Variants in TMEM245 observed in about 807,000 individuals in gnomAD.
TMEM245 encodes the protein protein CG-2.
In TMEM245, 69 loss-of-function variants were observed where a neutral mutation model predicts 101.2. That is an observed-to-expected ratio of 0.68 (90% CI 0.56 to 0.83). The LOEUF is 0.83. Ranked by LOEUF, TMEM245 falls within the 40% of genes least tolerant of loss-of-function variation. The probability of loss-of-function intolerance (pLI) is 0.00; values close to 1 mark genes in which losing one functional copy is unlikely to be tolerated. For missense variants in TMEM245, 1,075 were observed against 1,092.8 expected, an observed-to-expected ratio of 0.98 and a Z score of 0.23; for synonymous variants, 537 against 449.8, an observed-to-expected ratio of 1.19 and a Z score of -2.45.
chr9:109,045,042 G>A (rs1203311056), intron 14 of TMEM245, among the ~76,000 whole-genome samples: 4 of 152,162 alleles, frequency 2.6e-5, no homozygotes, highest in East Asian at 1.9e-4. Context: ...TTTGAGGCGT[G>A]AGCCACCGTA....
At chr9:109,053,702 T>C (rs1392777907) in intron 12 of TMEM245, among the ~76,000 whole-genome samples, 1 of 152,198 alleles carries the variant, frequency 6.6e-6, no homozygotes, top group East Asian at 1.9e-4. Context: ...AAACAACCTT[T>C]TGATTATTAA....
At chr9:109,118,135 G>C (rs558189020) in intron 1 of TMEM245, among the ~76,000 whole-genome samples, 1 of 152,194 alleles carries the variant, frequency 6.6e-6, no homozygotes, top group South Asian at 2.1e-4. Flanking sequence ...GACGGGACCT[G>C]TATCTTAGTC....
chr9:109,083,219 C>T (rs1036429164), intron 7 of TMEM245, among the ~76,000 whole-genome samples: 1 of 151,970 alleles, frequency 6.6e-6, no homozygotes, highest in Non-Finnish European at 1.5e-5. Context: ...TGAACCAACT[C>T]CCACAAAGAC....
chr9:109,080,378 G>A (rs1300309462), intron 8 of TMEM245, among the ~76,000 whole-genome samples: 4 of 151,990 alleles, frequency 2.6e-5, no homozygotes, highest in African/African-American at 9.7e-5. Context: ...AATGGGGAAA[G>A]GAAATGTAAG....
Position 109,018,815 on chromosome 9 carries a change from A to G in TMEM245, c.*1645T>C, listed in dbSNP as rs948765319. ...CAGTGGCGCCATCTTGGCTCACTGC[A>G]GCCTCGACCTCCTGGACTCAGGTGA... On this transcript the variant is annotated 3_prime_UTR_variant, in exon 18 of 18. Transcript: ENST00000374586. 3 of 151,554 alleles carry G rather than the reference A, an allele frequency of 2.0e-5. No homozygotes were observed. Among genetic ancestry groups the G allele is most frequent in the Admixed American group, 1.3e-4 (2 of 15,234 alleles). The allele number at this position is 151,554 out of a possible 1,614,324, so 9.4% of individuals were successfully genotyped here.
In TMEM245 at chr9:109,017,528, C is replaced by T. The variant is rs1357831600; in HGVS notation, c.*2932G>A. 2 of 152,202 alleles carry T rather than the reference C, an allele frequency of 1.3e-5. No homozygotes were observed. The highest frequency in any genetic ancestry group is 4.8e-5 in the African/African-American group (2 of 41,456). The allele number at this position is 152,202 out of a possible 1,614,324, so 9.4% of individuals were successfully genotyped here. On this transcript the variant is annotated 3_prime_UTR_variant, in exon 18 of 18. Transcript: ENST00000374586. ...TCTCTCAGAAAAGAGAGGAGCATAC[C>T]TGTGTGGAGAGCTTGTATTTTCTCC...
In TMEM245 at chr9:109,119,797, G is replaced by C; in HGVS notation, c.117C>G (p.Thr39=). Residue 39 remains threonine (T), a synonymous_variant, in exon 1 of 18, where the codon ACC becomes ACG. Transcript: ENST00000374586. ...PSGGGGETPR[T]AALALRFDKP... The stretch of plus-strand genomic sequence containing the variant: ...TGTCGAAGCGCAGCGCCAGCGCCGC[G>C]GTCCGCGGGGTCTCCCCGCCACCGC... 1 of 1,457,140 alleles carries C rather than the reference G, an allele frequency of 6.9e-7. No individual in the cohort carries two copies. Among genetic ancestry groups the C allele is most frequent in the Non-Finnish European group, 9.0e-7 (1 of 1,107,094 alleles). The allele number at this position is 1,457,140 out of a possible 1,614,324, so 90.3% of individuals were successfully genotyped here.
At chr9:109,118,067 T>C (rs1830777418) in intron 1 of TMEM245, among the ~76,000 whole-genome samples, 1 of 152,252 alleles carries the variant, frequency 6.6e-6, no homozygotes, top group African/African-American at 2.4e-5. Context: ...TGAACATTTA[T>C]CTGTATGTCT....
At chr9:109,108,422 A>C in intron 2 of TMEM245, 31 bp downstream of exon 2, 1 of 471,764 alleles carries the variant, frequency 2.1e-6, no homozygotes, top group Non-Finnish European at 3.0e-6. Flanking sequence ...GCTAGACTTA[A>C]AAAAAAAAAA....
intron 17 of TMEM245, among the ~76,000 whole-genome samples, chr9:109,032,005 C>G (rs1188533765): frequency 1.3e-5 from 2 of 152,160 alleles, no homozygotes; most frequent in African/African-American, 4.8e-5. Context: ...CAATTAACAA[C>G]CATATGTCTT....
intron 3 of TMEM245, among the ~76,000 whole-genome samples, chr9:109,103,377 T>C (rs1400169415): frequency 6.6e-6 from 1 of 152,140 alleles, no homozygotes; most frequent in Non-Finnish European, 1.5e-5. Context: ...GAATAAGGAA[T>C]AAATTAAAGG....
intron 10 of TMEM245, 80 bp downstream of exon 10, chr9:109,064,397 T>C (rs1829102215): frequency 6.3e-6 from 8 of 1,260,614 alleles, no homozygotes; most frequent in Non-Finnish European, 9.0e-6. Flanking sequence ...GCATTTCTAC[T>C]TATGTTTTAT....
At chr9:109,061,410 T>G (rs958623390) in intron 10 of TMEM245, among the ~76,000 whole-genome samples, 4 of 152,258 alleles carry the variant, frequency 2.6e-5, no homozygotes, top group Non-Finnish European at 5.9e-5. Flanking sequence ...TCTGCAACTT[T>G]CTGCCTATTT....
intron 14 of TMEM245, chr9:109,038,843 T>C (rs1346177713): frequency 6.6e-6 from 1 of 152,254 alleles, no homozygotes; most frequent in African/African-American, 2.4e-5. Flanking sequence ...TCTGTGTTTT[T>C]CAGTTGGAAG....
At chr9:109,020,858 TGGATA>T (rs1827600830) in intron 17 of TMEM245, among the ~76,000 whole-genome samples, 1 of 152,100 alleles carries the variant, frequency 6.6e-6, no homozygotes, top group African/African-American at 2.4e-5. Flanking sequence ...TGGCTGGAAG[TGGATA>T]TGATGATTGA....
chr9:109,031,140 A>G (rs1827934213), intron 17 of TMEM245, among the ~76,000 whole-genome samples: 1 of 152,230 alleles, frequency 6.6e-6, no homozygotes, highest in South Asian at 2.1e-4. Context: ...TTTCTGGCAC[A>G]TAACATAGAA....
chr9:109,066,444 G>T (rs1829166180), intron 9 of TMEM245, among the ~76,000 whole-genome samples: 1 of 55,352 alleles, frequency 1.8e-5, no homozygotes, highest in Non-Finnish European at 2.9e-5. Context: ...AAAAGAGCAA[G>T]ACTGTCTCAA....
chr9:109,038,117 T>C lies in TMEM245; in HGVS notation c.2124A>G (p.Arg708=). 1.2e-6 allele frequency: 2 copies of C among 1,609,862 alleles called. No homozygotes were observed. Among genetic ancestry groups the C allele is most frequent in the East Asian group, 2.2e-5 (1 of 44,706 alleles). The change falls in exon 15 of 18, where the codon AGA becomes AGG. Residue 708 remains arginine, a splice_region_variant and synonymous_variant. Coordinates refer to ENST00000374586, the MANE Select transcript of TMEM245 (RefSeq NM_032012.4). ...TTTTGAGGGAAGCATCAAACACCCC[T>C]CTGGAATGCCCAAAGATAAAAAGAA... is the stretch of plus-strand genomic sequence containing the variant. ...IIGQSVEEAI[R]GVFDASLKMA...
chr9:109,106,514 A>C lies in TMEM245; in HGVS notation c.793T>G (p.Ser265Ala). The C allele has an allele frequency of 6.2e-7, 1 of 1,604,544 alleles. No individual in the cohort carries two copies. The highest frequency in any genetic ancestry group is 1.1e-5 in the South Asian group (1 of 89,740). ...AGAATGCCCTATTTCTTACCAGAAGACTCTTTTCCATTCTGTTTTTCATAG... is the reference window on the plus strand; with the variant it reads ...AGAATGCCCTATTTCTTACCAGAAGCCTCTTTTCCATTCTGTTTTTCATAG... ...TLYEKQNGKE[S>A]SGAELPGQVI... The change falls in exon 3 of 18, where the codon TCT (serine) becomes GCT (alanine). Residue 265 changes from serine to alanine, a missense_variant. Transcript: ENST00000374586.
Sources: gnomAD v4.1 joint callset for allele counts (sites outside exome capture counted in the v4.1 genomes callset) on GRCh38, gnomAD v4.1.1 for gene constraint, MANE v1.5 for transcripts, NCBI Gene and HGNC (gene_info 2026-07-23, HGNC 2026-07-21) for gene names.